The following TP63 variants were observed in gnomAD, a reference collection of about 807,000 sequenced individuals.
TP63 encodes the protein tumor protein p63.
A neutral mutation model predicts 82.8 loss-of-function variants in TP63; 17 were observed. That is an observed-to-expected ratio of 0.21 (90% CI 0.14 to 0.31). The LOEUF is 0.31. Among genes scored for constraint, TP63 ranks in the 10% least tolerant of loss-of-function variants. The probability of loss-of-function intolerance (pLI) is 1.00; values close to 1 mark genes in which losing one functional copy is unlikely to be tolerated. For missense variants in TP63, 648 were observed against 895.3 expected (o/e 0.72, Z 3.52); for synonymous variants, 330 against 321.7 (o/e 1.03, Z -0.28).
chr3:189,655,366 C>A (rs9847439), intron 1 of TP63, among the ~76,000 whole-genome samples: 66,547 of 151,512 alleles, frequency 0.44, 15,930 homozygotes, highest in Middle Eastern at 0.69. Context: ...GGCTCACATC[C>A]CTAATCTCAG....
At chr3:189,850,490 A>G (rs1282156562) in intron 4 of TP63, among the ~76,000 whole-genome samples, 1 of 152,216 alleles carries the variant, frequency 6.6e-6, no homozygotes, top group Admixed American at 6.5e-5. Flanking sequence ...TGAATAAAAT[A>G]TACCTGTATA....
intron 4 of TP63, among the ~76,000 whole-genome samples, chr3:189,843,428 T>A (rs1164291025): frequency 6.6e-6 from 1 of 152,132 alleles, no homozygotes; most frequent in Non-Finnish European, 1.5e-5. Context: ...AACTGACAGG[T>A]GGCAACAGGC....
At chr3:189,652,223 G>A (rs1712955396) in intron 1 of TP63, among the ~76,000 whole-genome samples, 1 of 146,864 alleles carries the variant, frequency 6.8e-6, no homozygotes, top group African/African-American at 2.6e-5. Context: ...GCCAGGAGGG[G>A]GGCTGTACCC....
intron 4 of TP63, among the ~76,000 whole-genome samples, chr3:189,847,752 G>T (rs1715082043): frequency 6.6e-6 from 1 of 152,136 alleles, no homozygotes; most frequent in South Asian, 2.1e-4. Context: ...GGCATTTTGT[G>T]TTGTTTTTAT....
At chr3:189,632,494 G>T (rs1433391411) in intron 1 of TP63, among the ~76,000 whole-genome samples, 1 of 152,084 alleles carries the variant, frequency 6.6e-6, no homozygotes. Context: ...TTCCTTTAAC[G>T]TGATTTGCTA....
chr3:189,796,826 CTTATT>C (rs1725757944), intron 3 of TP63, among the ~76,000 whole-genome samples: 1 of 151,984 alleles, frequency 6.6e-6, no homozygotes, highest in South Asian at 2.1e-4. Context: ...TTATAAATTT[CTTATT>C]TCTAAGTTGA....
chr3:189,844,189 TGA>T, intron 4 of TP63: 1 of 383,432 alleles, frequency 2.6e-6, no homozygotes, highest in South Asian at 2.0e-5. Flanking sequence ...TTTTTTTCTT[TGA>T]GACAGAGTCT....
chr3:189,861,398 A>T (rs1717019050), intron 4 of TP63, among the ~76,000 whole-genome samples: 1 of 142,338 alleles, frequency 7.0e-6, no homozygotes, highest in African/African-American at 2.5e-5. Flanking sequence ...AAACGTTTGT[A>T]TGGGTAGAAC....
At chr3:189,869,721 T>G (rs1268836659) in intron 9 of TP63, among the ~76,000 whole-genome samples, 2 of 151,622 alleles carry the variant, frequency 1.3e-5, no homozygotes, top group African/African-American at 4.8e-5. Flanking sequence ...TAGGGTGTTT[T>G]TTTTTTTTTT....
chr3:189,699,422 T>G (rs1333212695), intron 1 of TP63, among the ~76,000 whole-genome samples: 3 of 152,196 alleles, frequency 2.0e-5, no homozygotes, highest in Non-Finnish European at 2.9e-5. Context: ...AATAAGAAAT[T>G]AAAAGTTTGG....
intron 3 of TP63, among the ~76,000 whole-genome samples, chr3:189,793,207 C>T (rs189496399): frequency 1.1e-4 from 16 of 152,114 alleles, no homozygotes; most frequent in African/African-American, 3.9e-4. Context: ...ATCATACCTT[C>T]CTTCACTACT....
At chr3:189,810,875 A>T (rs1727481613) in intron 4 of TP63, among the ~76,000 whole-genome samples, 1 of 151,712 alleles carries the variant, frequency 6.6e-6, no homozygotes, top group Non-Finnish European at 1.5e-5. Context: ...AAAAAAAAAA[A>T]TTAAAGTTAT....
chr3:189,877,831 T>G lies in TP63; in HGVS notation c.1349+4836T>G, dbSNP rs182866501. ...GTGTTCTGCTACATTGGCAGTTAAG[T>G]AAGTAGTTAATTATAAAATTTAAAC... On this transcript the variant is annotated intron_variant, in intron 10 of 13. Transcript: ENST00000264731. Among the ~76,000 whole-genome samples, 6 of 152,322 alleles carry G rather than the reference T, an allele frequency of 3.9e-5. No homozygotes were observed. The East Asian group carries it at 9.6e-4, about 24-fold the overall frequency.
At chr3:189,687,192 G>T (rs948173049) in intron 1 of TP63, among the ~76,000 whole-genome samples, 6 of 152,182 alleles carry the variant, frequency 3.9e-5, no homozygotes, top group Admixed American at 3.3e-4. Context: ...AGAGTCTGGA[G>T]TACCCAGATC....
chr3:189,749,350 A>C (rs1721622639), intron 3 of TP63, among the ~76,000 whole-genome samples: 1 of 152,174 alleles, frequency 6.6e-6, no homozygotes, highest in African/African-American at 2.4e-5. Context: ...AAAAATAAAT[A>C]ATCCCGTAAA....
At chr3:189,746,834 C>CAT (rs1721414091) in intron 3 of TP63, among the ~76,000 whole-genome samples, 1 of 150,240 alleles carries the variant, frequency 6.7e-6, no homozygotes, top group Non-Finnish European at 1.5e-5. Context: ...CACACACACA[C>CAT]ATATGAAACT....
chr3:189,745,646 G>A (rs1368889551), intron 3 of TP63, among the ~76,000 whole-genome samples: 2 of 135,442 alleles, frequency 1.5e-5, no homozygotes, highest in East Asian at 4.7e-4. Flanking sequence ...GGCGGAGGTT[G>A]CAGTGAGCCA....
rs566737819 is a variant in TP63 at position 189,652,717 on chromosome 3, C to T, written c.62+21140C>T. On this transcript the variant is annotated intron_variant, in intron 1 of 13. Coordinates refer to ENST00000264731, the MANE Select transcript of TP63 (RefSeq NM_003722.5). ...TGAATTTTAGTTCCCATAATCCCCA[C>T]GTGTCATGGGAGGGATCAGGTGGAG... Among the ~76,000 whole-genome samples, 108 of 146,974 alleles carry T rather than the reference C, an allele frequency of 7.3e-4. 9 individuals are homozygous for T. The highest frequency in any genetic ancestry group is 1.4e-3 in the African/African-American group (56 of 39,266).
chr3:189,814,884 A>G (rs528203912), intron 4 of TP63, among the ~76,000 whole-genome samples: 1 of 152,320 alleles, frequency 6.6e-6, no homozygotes, highest in South Asian at 2.1e-4. Flanking sequence ...TGTTCACTGC[A>G]CCGTGGAGTG....
Sources: gnomAD v4.1 joint callset for allele counts (sites outside exome capture counted in the v4.1 genomes callset) on GRCh38, gnomAD v4.1.1 for gene constraint, MANE v1.5 for transcripts, NCBI Gene and HGNC (gene_info 2026-07-23, HGNC 2026-07-21) for gene names.